Variants in SLC24A2 observed in about 807,000 individuals in gnomAD.
The protein encoded by SLC24A2 is sodium/potassium/calcium exchanger 2.
In SLC24A2, 36 loss-of-function variants were observed where a neutral mutation model predicts 62.0. That is an observed-to-expected ratio of 0.58 (90% CI 0.44 to 0.77). The LOEUF (loss-of-function observed/expected upper bound fraction) is 0.77. Ranked by LOEUF, SLC24A2 falls within the 30% of genes least tolerant of loss-of-function variation. SLC24A2 has a pLI of 0.00. For synonymous variants in SLC24A2, 358 were observed against 294.0 expected, an observed-to-expected ratio of 1.22 and a Z score of -2.23; for missense variants, 846 against 817.9, an observed-to-expected ratio of 1.03 and a Z score of -0.42.
the SLC24A2 span, among the ~76,000 whole-genome samples, chr9:20,252,144 G>A: frequency 4.6e-5 from 7 of 152,326 alleles, no homozygotes; most frequent in Admixed American, 1.3e-4. Context: ...CATTATGAAT[G>A]AAAGTAGACT....
chr9:19,961,707 T>C, the SLC24A2 span, among the ~76,000 whole-genome samples: 2 of 152,218 alleles, frequency 1.3e-5, no homozygotes, highest in Admixed American at 1.3e-4. Context: ...GAAATGACAG[T>C]GTATGACTTA....
the SLC24A2 span, among the ~76,000 whole-genome samples, chr9:19,836,757 C>T: frequency 6.6e-6 from 1 of 152,278 alleles, no homozygotes; most frequent in Admixed American, 6.5e-5. Context: ...ATACCAAAGC[C>T]TGGCAGAGAC....
rs920368085 is a variant in SLC24A2, at chr9:19,511,383, T to C, written c.*4770A>G. The C allele has an allele frequency of 1.3e-5, 2 of 152,154 alleles. No individual in the cohort carries two copies. Among genetic ancestry groups the C allele is most frequent in the Non-Finnish European group, 2.9e-5 (2 of 68,020 alleles). 9.4% of individuals were successfully genotyped at this position (152,154 alleles called of 1,614,324 possible). A position where few individuals can be genotyped will look rare whatever the true frequency, so the allele number is the denominator to read the frequency against. On this transcript the variant is annotated 3_prime_UTR_variant, in exon 11 of 11. Coordinates refer to ENST00000341998, the MANE Select transcript of SLC24A2 (RefSeq NM_020344.4). ...TTACCCAAGGTCTTCCTGAGATTAT[T>C]TTTTAAAAAAATCTAAAACTGTATA...
chr9:19,899,509 T>A, the SLC24A2 span, among the ~76,000 whole-genome samples: 5 of 152,160 alleles, frequency 3.3e-5, no homozygotes, highest in African/African-American at 4.8e-5. Context: ...TTCTTCCTTA[T>A]ACCAGGAGAA....
chr9:19,675,203 T>C (rs750345867), intron 2 of SLC24A2, among the ~76,000 whole-genome samples: 1 of 152,180 alleles, frequency 6.6e-6, no homozygotes. Context: ...TCCTGTGATG[T>C]GAACTGTCTT....
chr9:19,565,520 T>C (rs201300713), intron 7 of SLC24A2, among the ~76,000 whole-genome samples: 3 of 150,812 alleles, frequency 2.0e-5, no homozygotes, highest in East Asian at 1.9e-4. Context: ...GAATCAATAT[T>C]GTGAAAATGG....
chr9:19,541,525 AGGGGT>A (rs1834255154), intron 8 of SLC24A2, among the ~76,000 whole-genome samples: 1 of 119,166 alleles, frequency 8.4e-6, no homozygotes, highest in Non-Finnish European at 1.6e-5. Context: ...CTCGGGGGTC[AGGGGT>A]CAGGGACCCA....
the SLC24A2 span, among the ~76,000 whole-genome samples, chr9:20,241,098 G>A: frequency 6.6e-6 from 1 of 152,188 alleles, no homozygotes; most frequent in Non-Finnish European, 1.5e-5. Flanking sequence ...ATAATACAAG[G>A]TAGGTACCTT....
chr9:19,668,390 C>G (rs934363386), intron 2 of SLC24A2, among the ~76,000 whole-genome samples: 4 of 152,176 alleles, frequency 2.6e-5, no homozygotes, highest in Non-Finnish European at 5.9e-5. Context: ...GTGCTCCTCC[C>G]TGCTGCCTTC....
the SLC24A2 span, among the ~76,000 whole-genome samples, chr9:20,170,137 GAA>G: frequency 1.8e-4 from 25 of 138,996 alleles, no homozygotes; most frequent in South Asian, 9.3e-4. Context: ...AAGACAAAAA[GAA>G]AAAAAAAAAA....
the SLC24A2 span, among the ~76,000 whole-genome samples, chr9:20,265,297 G>T: frequency 6.6e-6 from 1 of 152,210 alleles, no homozygotes; most frequent in African/African-American, 2.4e-5. Flanking sequence ...TCATAAAAGG[G>T]AGCTGAAGAA....
the SLC24A2 span, among the ~76,000 whole-genome samples, chr9:19,963,164 T>C: frequency 7.0e-6 from 1 of 143,298 alleles, no homozygotes; most frequent in Non-Finnish European, 1.5e-5. Context: ...TGGCTAGCCA[T>C]ATGTAGAAAG....
chr9:20,064,848 T>C, the SLC24A2 span, among the ~76,000 whole-genome samples: 1 of 152,148 alleles, frequency 6.6e-6, no homozygotes, highest in Admixed American at 6.5e-5. Context: ...AACTGTTCAA[T>C]GCATCCAAAG....
the SLC24A2 span, among the ~76,000 whole-genome samples, chr9:19,911,131 T>C: frequency 7.1e-6 from 1 of 140,670 alleles, no homozygotes; most frequent in African/African-American, 2.7e-5. Context: ...TGTGTTCTCA[T>C]TGTTCAATTC....
chr9:20,012,943 T>G, the SLC24A2 span, among the ~76,000 whole-genome samples: 1 of 151,772 alleles, frequency 6.6e-6, no homozygotes, highest in Non-Finnish European at 1.5e-5. Context: ...TACTCACGGA[T>G]TAGAAAAATT....
rs180701627 is a variant in SLC24A2, at chr9:19,613,073, A to G, written c.1078+6511T>C. On this transcript the variant is annotated intron_variant, in intron 4 of 10. Transcript: ENST00000341998. ...GAGATATATAAGAGACAAGTGTTCA[A>G]TAAGTGGAAGCTACTATTGCCAATA... 5.3e-5 allele frequency among the ~76,000 whole-genome samples: 8 copies of G among 152,350 alleles called. No individual in the cohort carries two copies. In the East Asian group the frequency reaches 1.3e-3, roughly 26 times the overall value.
intron 2 of SLC24A2, among the ~76,000 whole-genome samples, chr9:19,707,488 T>C (rs1382767287): frequency 6.6e-6 from 1 of 152,180 alleles, no homozygotes; most frequent in East Asian, 1.9e-4. Flanking sequence ...TGATGAACGT[T>C]GATGCAAAAA....
At chr9:19,981,693 A>G in the SLC24A2 span, among the ~76,000 whole-genome samples, 1 of 152,290 alleles carries the variant, frequency 6.6e-6, no homozygotes, top group East Asian at 1.9e-4. Context: ...GCTTCTCACT[A>G]AATTTGGCTT....
At chr9:20,225,671 T>C in the SLC24A2 span, among the ~76,000 whole-genome samples, 1 of 145,760 alleles carries the variant, frequency 6.9e-6, no homozygotes, top group Non-Finnish European at 1.5e-5. Flanking sequence ...TACACATACA[T>C]GAGGAAGTCA....
Sources: allele counts gnomAD v4.1 joint callset (sites outside exome capture counted in the v4.1 genomes callset), GRCh38; gene constraint gnomAD v4.1.1; transcripts MANE v1.5; gene names NCBI Gene and HGNC (gene_info 2026-07-23, HGNC 2026-07-21).